The following HHAT variants were observed in gnomAD, a reference collection of about 807,000 sequenced individuals.
HHAT encodes the protein protein-cysteine N-palmitoyltransferase HHAT.
A neutral mutation model predicts 70.8 loss-of-function variants in HHAT; 47 were observed. That is an observed-to-expected ratio of 0.66 (90% CI 0.53 to 0.85). The LOEUF (loss-of-function observed/expected upper bound fraction) is 0.85. Among genes scored for constraint, HHAT ranks in the 40% least tolerant of loss-of-function variants. The probability of loss-of-function intolerance (pLI) is 0.00; values close to 1 mark genes in which losing one functional copy is unlikely to be tolerated. For missense variants in HHAT, 609 were observed against 604.8 expected, an observed-to-expected ratio of 1.01 and a Z score of -0.07; for synonymous variants, 228 against 247.6, an observed-to-expected ratio of 0.92 and a Z score of 0.74.
rs532323814 is a variant in HHAT, at chr1:210,560,746, G to C, written c.1044-27152G>C. 6.0e-5 allele frequency among the ~76,000 whole-genome samples: 8 copies of C among 133,132 alleles called. No homozygotes were observed. The South Asian group carries it at 2.1e-3, about 35-fold the overall frequency. 87.3% of individuals were successfully genotyped at this position (133,132 alleles called of 152,430 possible). A position where few individuals can be genotyped will look rare whatever the true frequency, so the allele number is the denominator to read the frequency against. ...ATGGATCACTTGAGATCAGGAGTTT[G>C]AGGCTACAGTGAGCTATGATCATGC... On this transcript the variant is annotated intron_variant, in intron 9 of 11. Coordinates refer to ENST00000261458, the MANE Select transcript of HHAT (RefSeq NM_018194.6).
At chr1:210,334,844 A>G (rs1489177183) in intron 1 of HHAT, among the ~76,000 whole-genome samples, 1 of 152,110 alleles carries the variant, frequency 6.6e-6, no homozygotes, top group African/African-American at 2.4e-5. Context: ...GAAAATTCAG[A>G]TGAAATTGAC....
At chr1:210,587,621 C>T (rs1384163129) in intron 9 of HHAT, among the ~76,000 whole-genome samples, 2 of 152,200 alleles carry the variant, frequency 1.3e-5, no homozygotes, top group Admixed American at 6.5e-5. Context: ...ACTCTAAATT[C>T]ATGACTTCTT....
chr1:210,592,873 ACTTTT>A (rs1259193836), intron 10 of HHAT, among the ~76,000 whole-genome samples: 4 of 83,012 alleles, frequency 4.8e-5, no homozygotes, highest in African/African-American at 6.5e-5. Context: ...CAAAAAACCA[ACTTTT>A]CTTTTTTTTT....
chr1:210,645,207 C>G (rs534640287), intron 11 of HHAT, among the ~76,000 whole-genome samples: 93 of 152,272 alleles, frequency 6.1e-4, no homozygotes, highest in Non-Finnish European at 1.2e-3. Context: ...GCCTCCCTAC[C>G]AGATACTACC....
At chr1:210,472,554 A>C (rs76860413) in intron 8 of HHAT, among the ~76,000 whole-genome samples, 60 of 152,346 alleles carry the variant, frequency 3.9e-4, no homozygotes, top group African/African-American at 1.4e-3. Flanking sequence ...TATGGCTTAC[A>C]TACTGACCCC....
At position 210,363,004 on chromosome 1, in the gene HHAT, G is replaced by A. The variant is rs866327143; in HGVS notation, c.159+85G>A. ...ACATTTGTATTTGGAGTCGATCCAGGTATCAGATTCAGCAGCAATCTGGAA... is the reference window on the plus strand; with the variant it reads ...ACATTTGTATTTGGAGTCGATCCAGATATCAGATTCAGCAGCAATCTGGAA... On this transcript the variant is annotated intron_variant, in intron 3 of 11. Coordinates refer to ENST00000261458, the MANE Select transcript of HHAT (RefSeq NM_018194.6). 16 of 1,157,984 alleles carry A rather than the reference G, an allele frequency of 1.4e-5. No homozygotes were observed. In the East Asian group the frequency reaches 3.5e-4, roughly 25 times the overall value. The allele number at this position is 1,157,984 out of a possible 1,614,324, so 71.7% of individuals were successfully genotyped here. A position where few individuals can be genotyped will look rare whatever the true frequency, so the allele number is the denominator to read the frequency against.
intron 9 of HHAT, among the ~76,000 whole-genome samples, chr1:210,516,549 A>C (rs1299655099): frequency 1.3e-5 from 2 of 152,178 alleles, no homozygotes; most frequent in African/African-American, 4.8e-5. Flanking sequence ...GATGGTACTT[A>C]AGGAATCCTT....
intron 8 of HHAT, among the ~76,000 whole-genome samples, chr1:210,496,720 C>G (rs1246307538): frequency 6.6e-6 from 1 of 152,142 alleles, no homozygotes; most frequent in South Asian, 2.1e-4. Context: ...GCTGTTGATG[C>G]TCTCTACACC....
intron 7 of HHAT, among the ~76,000 whole-genome samples, chr1:210,442,755 T>C (rs1359764693): frequency 1.3e-5 from 2 of 152,318 alleles, no homozygotes; most frequent in East Asian, 3.9e-4. Flanking sequence ...ATATTAGCCC[T>C]TTGTCAGATG....
intron 6 of HHAT, among the ~76,000 whole-genome samples, chr1:210,415,740 T>G (rs2092701203): frequency 6.6e-6 from 1 of 151,940 alleles, no homozygotes; most frequent in Admixed American, 6.6e-5. Context: ...CTCATTGCAA[T>G]TTCTGCCTCC....
At chr1:210,381,649 G>C (rs77785532) in intron 3 of HHAT, among the ~76,000 whole-genome samples, 3,613 of 152,216 alleles carry the variant, frequency 0.024, 59 homozygotes, top group Middle Eastern at 0.058. Context: ...GTAAACTTCT[G>C]AGCTGATAGC....
rs146911961 is a variant in HHAT, at chr1:210,518,649, C to T, written c.1043+5461C>T. ...CTCTACTGAAAATACAAATATTAGC[C>T]GGGTATGGTAGTGCACGCCTATAAT... On this transcript the variant is annotated intron_variant, in intron 9 of 11. Transcript: ENST00000261458. 6.6e-3 allele frequency among the ~76,000 whole-genome samples: 999 copies of T among 152,078 alleles called. 1 individual carries two copies. Among genetic ancestry groups the T allele is most frequent in the Non-Finnish European group, 0.011 (728 of 67,996 alleles).
intron 3 of HHAT, chr1:210,374,133 T>C (rs1288517072): frequency 1.3e-5 from 2 of 152,298 alleles, no homozygotes; most frequent in Non-Finnish European, 2.9e-5. Context: ...CCTCTTTAAG[T>C]CTTTTTTTAT....
rs145057070 is a variant in HHAT, at chr1:210,374,486, T to G, written c.159+11567T>G. Reference sequence around the variant, plus strand: ...TACTATGGGTATGCAAATGAGATGTTGAGTCATCACCTTGAGATTCCACAC... The same window carrying G: ...TACTATGGGTATGCAAATGAGATGTGGAGTCATCACCTTGAGATTCCACAC... On this transcript the variant is annotated intron_variant, in intron 3 of 11. Transcript: ENST00000261458. Among the ~76,000 whole-genome samples the G allele has an allele frequency of 2.3e-3, 355 of 152,304 alleles. 4 individuals are homozygous for G. Among genetic ancestry groups the G allele is most frequent in the African/African-American group, 8.1e-3 (336 of 41,560 alleles).
chr1:210,641,407 G>T (rs1189032919), intron 11 of HHAT, among the ~76,000 whole-genome samples: 1 of 152,064 alleles, frequency 6.6e-6, no homozygotes, highest in Non-Finnish European at 1.5e-5. Flanking sequence ...CCAATACCCT[G>T]TTATCTATTA....
rs889772889 is a variant in HHAT at position 210,442,775 on chromosome 1, C to T, written c.857-21730C>T. 1.8e-4 allele frequency among the ~76,000 whole-genome samples: 27 copies of T among 152,206 alleles called. No individual in the cohort carries two copies. In the South Asian group the frequency reaches 1.9e-3, roughly 11 times the overall value. On this transcript the variant is annotated intron_variant, in intron 7 of 11. Transcript: ENST00000261458. Reference sequence around the variant, plus strand: ...AGCCCTTTGTCAGATGAGTAGGTTGCGAAAATTTTCTCCCATTTTGTAGGC... The same window carrying T: ...AGCCCTTTGTCAGATGAGTAGGTTGTGAAAATTTTCTCCCATTTTGTAGGC...
At chr1:210,414,061 C>T (rs1320543205) in intron 6 of HHAT, among the ~76,000 whole-genome samples, 1 of 152,160 alleles carries the variant, frequency 6.6e-6, no homozygotes, top group Non-Finnish European at 1.5e-5. Context: ...GCTTATAAGC[C>T]ACATAAATGT....
chr1:210,664,573 C>T (rs1035224591), intron 11 of HHAT, among the ~76,000 whole-genome samples: 2 of 152,188 alleles, frequency 1.3e-5, no homozygotes, highest in Admixed American at 1.3e-4. Flanking sequence ...AGGAAAGAAG[C>T]ACTCATCCTC....
At chr1:210,613,386 T>A (rs1666980625) in intron 10 of HHAT, among the ~76,000 whole-genome samples, 1 of 152,222 alleles carries the variant, frequency 6.6e-6, no homozygotes, top group African/African-American at 2.4e-5. Flanking sequence ...ATGCTCTTTC[T>A]GCCCTTGTTG....
Sources: allele counts gnomAD v4.1 joint callset (sites outside exome capture counted in the v4.1 genomes callset), GRCh38; gene constraint gnomAD v4.1.1; transcripts MANE v1.5; gene names NCBI Gene and HGNC (gene_info 2026-07-23, HGNC 2026-07-21).